FBLIM1: variants seen among roughly 807,000 people sequenced by gnomAD.
The protein encoded by FBLIM1 is filamin binding LIM protein 1, also known as filamin-binding LIM protein 1.
Under a neutral mutation model 37.4 loss-of-function variants are expected in FBLIM1, and 29 were observed. That is an observed-to-expected ratio of 0.77 (90% confidence interval 0.58 to 1.06). FBLIM1 has a LOEUF of 1.06. Among genes scored for constraint, FBLIM1 ranks in the 50% least tolerant of loss-of-function variants. The pLI is 0.00. For synonymous variants in FBLIM1, 193 were observed against 199.0 expected, an observed-to-expected ratio of 0.97 and a Z score of 0.25; for missense variants, 449 against 505.6, an observed-to-expected ratio of 0.89 and a Z score of 1.07.
rs2069759912 is a variant in FBLIM1, at chr1:15,786,012, C to G, written c.*1351C>G. On this transcript the variant is annotated 3_prime_UTR_variant, in exon 9 of 9. Coordinates refer to ENST00000375766, the MANE Select transcript of FBLIM1 (RefSeq NM_017556.4). ...CCTTGACTTGGGCCATGCACCCCCT[C>G]TCCCCCAAACACAAACAAGCACTTC... 1 of 152,642 alleles carries G rather than the reference C, an allele frequency of 6.6e-6. No homozygotes were observed. The highest frequency in any genetic ancestry group is 6.5e-5 in the Admixed American group (1 of 15,304). 9.5% of individuals were successfully genotyped at this position (152,642 alleles called of 1,614,324 possible).
At chr1:15,764,936 C>A in intron 2 of FBLIM1, 28 bp from the exon 3 acceptor site, 1 of 1,569,788 alleles carries the variant, frequency 6.4e-7, no homozygotes. Context: ...GGGTGGCAAT[C>A]CTGTGCTGTA....
At chr1:15,783,523 G>GGGGACTT (rs1425286283) in intron 8 of FBLIM1, among the ~76,000 whole-genome samples, 2 of 151,768 alleles carry the variant, frequency 1.3e-5, no homozygotes, top group East Asian at 3.9e-4. Context: ...GTGCTGGGAT[G>GGGGACTT]GGGACTTGGC....
At chr1:15,760,600 C>A (rs1170681798) in intron 1 of FBLIM1, among the ~76,000 whole-genome samples, 1 of 111,916 alleles carries the variant, frequency 8.9e-6, no homozygotes, top group Admixed American at 9.2e-5. Flanking sequence ...TTTTTTTTTT[C>A]TTTGTAGGGA....
intron 6 of FBLIM1, among the ~76,000 whole-genome samples, chr1:15,772,730 G>A (rs1210099279): frequency 6.6e-6 from 1 of 152,048 alleles, no homozygotes; most frequent in East Asian, 1.9e-4. Context: ...GAGGTGGGAG[G>A]ATTACTTGAG....
chr1:15,772,217 T>G (rs1289091617), intron 6 of FBLIM1, among the ~76,000 whole-genome samples: 1 of 152,232 alleles, frequency 6.6e-6, no homozygotes, highest in African/African-American at 2.4e-5. Flanking sequence ...TTAGAGTATT[T>G]GGAGCTGAGA....
At chr1:15,769,370 G>A (rs1310569845) in intron 5 of FBLIM1, among the ~76,000 whole-genome samples, 6 of 152,056 alleles carry the variant, frequency 3.9e-5, no homozygotes, top group Non-Finnish European at 7.4e-5. Flanking sequence ...CCAGCTACTC[G>A]GGAGGCTGAG....
At chr1:15,782,389 C>G (rs1455454872) in intron 8 of FBLIM1, among the ~76,000 whole-genome samples, 1 of 143,372 alleles carries the variant, frequency 7.0e-6, no homozygotes, top group Non-Finnish European at 1.5e-5. Flanking sequence ...GCCTGGGTGA[C>G]AGAGTGAGAC....
intron 6 of FBLIM1, among the ~76,000 whole-genome samples, chr1:15,771,325 C>T (rs2069199116): frequency 6.6e-6 from 1 of 150,772 alleles, no homozygotes; most frequent in South Asian, 2.1e-4. Context: ...CAGATCACTG[C>T]AACCTCTGCT....
At chr1:15,773,433 C>T (rs2069321165) in intron 6 of FBLIM1, among the ~76,000 whole-genome samples, 1 of 149,018 alleles carries the variant, frequency 6.7e-6, no homozygotes, top group African/African-American at 2.5e-5. Context: ...AATCCCAGCA[C>T]TTTGGGAGGC....
chr1:15,773,888 A>C (rs1416782237), intron 6 of FBLIM1, among the ~76,000 whole-genome samples: 1 of 152,114 alleles, frequency 6.6e-6, no homozygotes, highest in Non-Finnish European at 1.5e-5. Flanking sequence ...CACGCCTGTA[A>C]TCCCAGCACT....
chr1:15,764,751 T>G (rs2068834639), intron 2 of FBLIM1, 66 bp downstream of exon 2: 3 of 596,628 alleles, frequency 5.0e-6, no homozygotes, highest in Non-Finnish European at 8.7e-6. Flanking sequence ...GACTTTTGGG[T>G]CTCACCCCTG....
At chr1:15,760,522 T>G (rs2068619592) in intron 1 of FBLIM1, among the ~76,000 whole-genome samples, 1 of 125,582 alleles carries the variant, frequency 8.0e-6, no homozygotes, top group Non-Finnish European at 1.7e-5. Context: ...AGAGCAAGAT[T>G]CTGTCTCAGA....
intron 8 of FBLIM1, among the ~76,000 whole-genome samples, chr1:15,783,804 T>C (rs1249643818): frequency 6.6e-6 from 1 of 151,766 alleles, no homozygotes; most frequent in East Asian, 1.9e-4. Context: ...GGATGGTCTC[T>C]ATCTCCTGAC....
At chr1:15,783,566 G>GTTTT (rs1350023309) in intron 8 of FBLIM1, among the ~76,000 whole-genome samples, 1 of 129,046 alleles carries the variant, frequency 7.7e-6, no homozygotes, top group African/African-American at 2.9e-5. Flanking sequence ...TAGAACTTAC[G>GTTTT]TTCTTTTTTT....
At chr1:15,769,000 A>G (rs145246654) in intron 5 of FBLIM1, among the ~76,000 whole-genome samples, 13 of 152,238 alleles carry the variant, frequency 8.5e-5, no homozygotes, top group African/African-American at 3.1e-4. Context: ...TTCCTTCCAG[A>G]TGGGTGTCCT....
chr1:15,766,091 C>T (rs1461502840), intron 3 of FBLIM1, among the ~76,000 whole-genome samples: 1 of 151,990 alleles, frequency 6.6e-6, no homozygotes, highest in Non-Finnish European at 1.5e-5. Context: ...GCCGTGGAGC[C>T]TGAGAATTTG....
At chr1:15,767,777 A>T (rs982407675) in intron 4 of FBLIM1, among the ~76,000 whole-genome samples, 1 of 152,122 alleles carries the variant, frequency 6.6e-6, no homozygotes, top group African/African-American at 2.4e-5. Flanking sequence ...GAGGGATGCC[A>T]CTGCCTCGCT....
rs565254212 is a variant in FBLIM1, at chr1:15,782,367, C to T, written c.1009-2181C>T. Among the ~76,000 whole-genome samples, 38 of 150,710 alleles carry T rather than the reference C, an allele frequency of 2.5e-4. No individual in the cohort carries two copies. The East Asian group carries it at 6.9e-3, about 27-fold the overall frequency. ...AGGCTGCAGTGAGCCATGATAATGC[C>T]ACTGCACTCTAGCCTGGGTGACAGA... On this transcript the variant is annotated intron_variant, in intron 8 of 8. Coordinates refer to ENST00000375766, the MANE Select transcript of FBLIM1 (RefSeq NM_017556.4).
upstream of FBLIM1, chr1:15,758,310 T>C (rs1276871172): frequency 6.6e-6 from 1 of 152,174 alleles, no homozygotes; most frequent in East Asian, 1.9e-4. The surrounding 1 kb of genome is among the most constrained non-coding windows in gnomAD (Gnocchi z 6.2). Context: ...CGCAAGACCC[T>C]GGCGGATCCC....
Sources: gnomAD v4.1 joint callset for allele counts (sites outside exome capture counted in the v4.1 genomes callset) on GRCh38, gnomAD v4.1.1 for gene constraint, Gnocchi (gnomAD v3.1) non-coding constraint, MANE v1.5 for transcripts, NCBI Gene and HGNC (gene_info 2026-07-23, HGNC 2026-07-21) for gene names.